PGM5: variants seen among roughly 807,000 people sequenced by gnomAD.
PGM5 encodes the protein phosphoglucomutase 5.
In PGM5, 23 loss-of-function variants were observed where a neutral mutation model predicts 59.2. That is an observed-to-expected ratio of 0.39 (90% CI 0.28 to 0.55). The LOEUF is 0.55. Among genes scored for constraint, PGM5 ranks in the 20% least tolerant of loss-of-function variants. The pLI is 0.66. For synonymous variants in PGM5, 214 were observed against 286.0 expected (o/e 0.75, Z 2.54); for missense variants, 574 against 748.3 (o/e 0.77, Z 2.72).
At chr9:68,489,021 G>A (rs1010009524) in intron 9 of PGM5, among the ~76,000 whole-genome samples, 10 of 152,128 alleles carry the variant, frequency 6.6e-5, no homozygotes, top group African/African-American at 1.9e-4. Flanking sequence ...CTTCAGGGGC[G>A]ACTTCATTGT....
chr9:68,381,480 C>T (rs1822070242), intron 2 of PGM5, among the ~76,000 whole-genome samples: 1 of 151,936 alleles, frequency 6.6e-6, no homozygotes, highest in Non-Finnish European at 1.5e-5. Context: ...GATGCCCACT[C>T]TTGCTATTTC....
intron 6 of PGM5, among the ~76,000 whole-genome samples, chr9:68,408,266 G>C (rs1233158442): frequency 6.6e-6 from 1 of 152,228 alleles, no homozygotes; most frequent in Non-Finnish European, 1.5e-5. Context: ...GGAGATCACA[G>C]AGCAGAGGCT....
rs1587237625 is a variant in PGM5 at position 68,529,883 on chromosome 9, A to G, written c.*227A>G. 2.4e-6 allele frequency: 1 copy of G among 419,370 alleles called. No homozygotes were observed. The highest frequency in any genetic ancestry group is 4.2e-6 in the Non-Finnish European group (1 of 236,408). 26.0% of individuals were successfully genotyped at this position (419,370 alleles called of 1,614,324 possible). The stretch of plus-strand genomic sequence containing the variant: ...GCCTTTAGTTGTCTGTTAAAGCTGC[A>G]CTATAATTTGGTATCTACATTTTAT... On this transcript the variant is annotated 3_prime_UTR_variant, in exon 11 of 11. Transcript: ENST00000396396.
intron 6 of PGM5, among the ~76,000 whole-genome samples, chr9:68,438,280 CTCTG>C (rs1364480807): frequency 9.2e-6 from 1 of 108,690 alleles, no homozygotes; most frequent in Non-Finnish European, 1.7e-5. Flanking sequence ...CAGAGGGAGA[CTCTG>C]TCAAAAAAAA....
intron 6 of PGM5, among the ~76,000 whole-genome samples, chr9:68,393,441 C>T (rs1822416757): frequency 6.6e-6 from 1 of 151,980 alleles, no homozygotes; most frequent in African/African-American, 2.4e-5. Context: ...TCAACAATTG[C>T]CAACTACCAA....
chr9:68,517,479 A>G (rs1190384191), intron 10 of PGM5, among the ~76,000 whole-genome samples: 1 of 152,240 alleles, frequency 6.6e-6, no homozygotes, highest in South Asian at 2.1e-4. Context: ...CCTCTAGTGT[A>G]CTATTGCTTG....
chr9:68,422,073 TATAA>T (rs1333540540), intron 6 of PGM5, among the ~76,000 whole-genome samples: 2 of 151,834 alleles, frequency 1.3e-5, no homozygotes, highest in Admixed American at 6.6e-5. Flanking sequence ...CATCAGAATA[TATAA>T]ATAAATAATT....
chr9:68,380,466 T>C lies in PGM5; in HGVS notation c.424+2105T>C, dbSNP rs575990614. Among the ~76,000 whole-genome samples, 4 of 152,032 alleles carry C rather than the reference T, an allele frequency of 2.6e-5. No homozygotes were observed. In the South Asian group the frequency reaches 8.3e-4, roughly 32 times the overall value. On this transcript the variant is annotated intron_variant, in intron 2 of 10. Transcript: ENST00000396396. The stretch of plus-strand genomic sequence containing the variant: ...CAAAGTCAGTTCTAAGAGAGAAGTT[T>C]ATAGCAATAAATGCCTACATTAAAA...
At chr9:68,438,014 G>A (rs115399274) in intron 6 of PGM5, among the ~76,000 whole-genome samples, 1 of 152,106 alleles carries the variant, frequency 6.6e-6, no homozygotes, top group Non-Finnish European at 1.5e-5. Flanking sequence ...CTGGCCAGGC[G>A]AGGTGGCTCA....
intron 6 of PGM5, among the ~76,000 whole-genome samples, chr9:68,452,456 T>A (rs1218693912): frequency 1.3e-5 from 2 of 152,192 alleles, no homozygotes; most frequent in African/African-American, 4.8e-5. Flanking sequence ...CTTCTCCAGT[T>A]GATCTCAGGA....
chr9:68,493,335 C>T (rs1564021019), intron 9 of PGM5, among the ~76,000 whole-genome samples: 1 of 152,180 alleles, frequency 6.6e-6, no homozygotes, highest in Non-Finnish European at 1.5e-5. Context: ...CAGATACCTA[C>T]TCTACATAAG....
Position 68,479,474 on chromosome 9 carries a change from A to G in PGM5, c.1216A>G (p.Ile406Val), listed in dbSNP as rs1554686929. Residue 406 changes from isoleucine (I) to valine (V), a missense_variant, in exon 8 of 11, where the codon ATT becomes GTT. Ile to Val is a conservative substitution (Grantham distance 29, BLOSUM62 3). Transcript: ENST00000396396. ...GLWAVLVWLS[I>V]IAARKQSVEE... ...GTGGGCTGTCTTGGTCTGGCTCTCC[A>G]TTATTGCTGCCCGGAAGCAGAGTGT... 4.3e-6 allele frequency: 7 copies of G among 1,613,726 alleles called. No homozygotes were observed. The highest frequency in any genetic ancestry group is 2.7e-5 in the African/African-American group (2 of 74,890).
intron 10 of PGM5, among the ~76,000 whole-genome samples, chr9:68,528,157 G>A (rs1825019592): frequency 6.6e-6 from 1 of 151,948 alleles, no homozygotes; most frequent in Admixed American, 6.6e-5. Context: ...CAGAATTTTT[G>A]TTTCTTCCAT....
chr9:68,454,909 C>A lies in PGM5; in HGVS notation c.1044-10184C>A, dbSNP rs138143136. On this transcript the variant is annotated intron_variant, in intron 6 of 10. Coordinates refer to ENST00000396396, the MANE Select transcript of PGM5 (RefSeq NM_021965.4). ...TATGTGTCATTAAACTGAAGTGTTT[C>A]TTTAAAAGACATTAGAGCAGAATTA... Among the ~76,000 whole-genome samples, 3 of 152,300 alleles carry A rather than the reference C, an allele frequency of 2.0e-5. No homozygotes were observed. In the East Asian group the frequency reaches 5.8e-4, roughly 29 times the overall value.
intron 6 of PGM5, among the ~76,000 whole-genome samples, chr9:68,439,644 A>T (rs1041290): frequency 0.059 from 8,840 of 148,744 alleles, 362 homozygotes; most frequent in African/African-American, 0.11. Flanking sequence ...TTAGACATGA[A>T]CATATATATA....
intron 1 of PGM5, among the ~76,000 whole-genome samples, chr9:68,372,882 C>T (rs1321463372): frequency 6.6e-6 from 1 of 152,096 alleles, no homozygotes; most frequent in African/African-American, 2.4e-5. Context: ...CTCATGTAAA[C>T]TCAGAGCGAG....
chr9:68,504,402 A>G (rs1426988269), intron 10 of PGM5, among the ~76,000 whole-genome samples: 1 of 152,124 alleles, frequency 6.6e-6, no homozygotes, highest in African/African-American at 2.4e-5. Flanking sequence ...AACCCTTACC[A>G]TGATCTTGAA....
At chr9:68,484,578 A>ACAC (rs1491179842) in intron 9 of PGM5, among the ~76,000 whole-genome samples, 15 of 143,586 alleles carry the variant, frequency 1.0e-4, no homozygotes, top group African/African-American at 3.6e-4. Context: ...ACACACACAC[A>ACAC]AAACAAAACA....
chr9:68,484,535 G>C (rs1308505248), intron 9 of PGM5, among the ~76,000 whole-genome samples: 2 of 112,818 alleles, frequency 1.8e-5, no homozygotes, highest in African/African-American at 7.4e-5. Flanking sequence ...GTGAGACCAT[G>C]TCTCAAACAC....
Sources: allele counts gnomAD v4.1 joint callset (sites outside exome capture counted in the v4.1 genomes callset), GRCh38; gene constraint gnomAD v4.1.1; transcripts MANE v1.5; gene names NCBI Gene and HGNC (gene_info 2026-07-23, HGNC 2026-07-21).